CNTNAP2: variants seen among roughly 807,000 people sequenced by gnomAD.
CNTNAP2 encodes contactin-associated protein-like 2.
CNTNAP2 carries 98 observed loss-of-function variants against 155.2 expected under a neutral mutation model. That is an observed-to-expected ratio of 0.63 (90% CI 0.54 to 0.75). CNTNAP2 has a LOEUF of 0.75. CNTNAP2 is among the 30% of genes least tolerant of loss of function. The pLI, the probability that CNTNAP2 is intolerant of heterozygous loss-of-function variation, is 0.00. For synonymous variants in CNTNAP2, 651 were observed against 631.2 expected (o/e 1.03, Z -0.47); for missense variants, 1,727 against 1,688.1 (o/e 1.02, Z -0.40).
chr7:147,343,196 T>C (rs1166880673), intron 9 of CNTNAP2, among the ~76,000 whole-genome samples: 1 of 152,140 alleles, frequency 6.6e-6, no homozygotes, highest in Admixed American at 6.6e-5. Context: ...CAGATCGCTT[T>C]CTTTGCTGCT....
chr7:148,320,376 C>CTTTTT (rs67424217), intron 21 of CNTNAP2, among the ~76,000 whole-genome samples: 34 of 63,346 alleles, frequency 5.4e-4, no homozygotes, highest in South Asian at 9.3e-4. Flanking sequence ...ATTTTTTTTT[C>CTTTTT]TTTTTTTTTT....
chr7:146,681,984 A>G (rs140072349), intron 1 of CNTNAP2, among the ~76,000 whole-genome samples: 1 of 126,606 alleles, frequency 7.9e-6, no homozygotes, highest in African/African-American at 2.8e-5. Context: ...AACCATATAA[A>G]GTTCTCTCAG....
intron 1 of CNTNAP2, among the ~76,000 whole-genome samples, chr7:146,130,107 G>T (rs1797692872): frequency 6.6e-6 from 1 of 152,128 alleles, no homozygotes; most frequent in Non-Finnish European, 1.5e-5. Flanking sequence ...TTTTGAAAGA[G>T]TAAATTATCC....
At chr7:146,286,887 C>G (rs529589452) in intron 1 of CNTNAP2, among the ~76,000 whole-genome samples, 1 of 152,214 alleles carries the variant, frequency 6.6e-6, no homozygotes, top group African/African-American at 2.4e-5. Context: ...GGAAGGATCA[C>G]CTGAGGCCAA....
At chr7:147,795,722 G>A (rs946651842) in intron 13 of CNTNAP2, among the ~76,000 whole-genome samples, 1 of 152,028 alleles carries the variant, frequency 6.6e-6, no homozygotes. Flanking sequence ...AAAGAAATCT[G>A]GGTTTTAATT....
intron 14 of CNTNAP2, among the ~76,000 whole-genome samples, chr7:147,975,677 C>G (rs553859000): frequency 6.6e-6 from 1 of 152,224 alleles, no homozygotes; most frequent in African/African-American, 2.4e-5. Flanking sequence ...AAATTTATTT[C>G]TCACTGTTAC....
At chr7:146,964,893 T>C (rs977855597) in intron 3 of CNTNAP2, among the ~76,000 whole-genome samples, 1 of 151,806 alleles carries the variant, frequency 6.6e-6, no homozygotes, top group Non-Finnish European at 1.5e-5. Flanking sequence ...AACAGGTGAC[T>C]GGCCAGAGTT....
intron 1 of CNTNAP2, among the ~76,000 whole-genome samples, chr7:146,359,810 G>T (rs545750083): frequency 3.3e-5 from 5 of 152,102 alleles, no homozygotes; most frequent in African/African-American, 4.8e-5. Context: ...GTGTGCGTGC[G>T]TGCGCATGCA....
At chr7:146,360,762 C>T (rs1795070489) in intron 1 of CNTNAP2, among the ~76,000 whole-genome samples, 1 of 152,204 alleles carries the variant, frequency 6.6e-6, no homozygotes, top group Admixed American at 6.5e-5. Flanking sequence ...GTTTCGACTG[C>T]AATAATGGTA....
At chr7:146,959,416 A>T (rs1474546950) in intron 3 of CNTNAP2, among the ~76,000 whole-genome samples, 2 of 151,864 alleles carry the variant, frequency 1.3e-5, no homozygotes, top group Non-Finnish European at 2.9e-5. Flanking sequence ...CCGTAAAATT[A>T]TTTTTTTTAA....
At chr7:147,166,862 A>C (rs1802123747) in intron 8 of CNTNAP2, among the ~76,000 whole-genome samples, 1 of 152,142 alleles carries the variant, frequency 6.6e-6, no homozygotes, top group Admixed American at 6.5e-5. Flanking sequence ...CTGGATGTGT[A>C]CATGCAGGTC....
chr7:147,646,160 G>A (rs889034738), intron 13 of CNTNAP2, among the ~76,000 whole-genome samples: 1 of 152,126 alleles, frequency 6.6e-6, no homozygotes, highest in South Asian at 2.1e-4. Flanking sequence ...TTGTTTTTAA[G>A]TTTAGATGCT....
At chr7:147,490,786 G>A (rs1387269649) in intron 11 of CNTNAP2, among the ~76,000 whole-genome samples, 1 of 152,170 alleles carries the variant, frequency 6.6e-6, no homozygotes, top group African/African-American at 2.4e-5. Flanking sequence ...AAGAAAAGGG[G>A]TTTGACTCAC....
At chr7:147,202,514 T>C (rs970212006) in intron 8 of CNTNAP2, among the ~76,000 whole-genome samples, 2 of 152,118 alleles carry the variant, frequency 1.3e-5, no homozygotes, top group Non-Finnish European at 2.9e-5. Flanking sequence ...CCATTAACCA[T>C]TGATCAAAAA....
At chr7:147,746,367 T>C (rs983647105) in intron 13 of CNTNAP2, among the ~76,000 whole-genome samples, 1 of 152,160 alleles carries the variant, frequency 6.6e-6, no homozygotes, top group Non-Finnish European at 1.5e-5. Flanking sequence ...CCCCTTCTAG[T>C]AGAGACAGTC....
At chr7:147,004,829 T>C (rs1798495962) in intron 3 of CNTNAP2, among the ~76,000 whole-genome samples, 1 of 152,110 alleles carries the variant, frequency 6.6e-6, no homozygotes, top group Non-Finnish European at 1.5e-5. Context: ...CCTAGCTAGT[T>C]TTGCTTGTGT....
chr7:147,941,104 G>C lies in CNTNAP2; in HGVS notation c.2256-36758G>C, dbSNP rs1018262817. ...TGCTCTGATGTGGCCACAGTCTGGC[G>C]CTGAGAGTAGCTCCAACATGAGGGA... On this transcript the variant is annotated intron_variant, in intron 14 of 23. Coordinates refer to ENST00000361727, the MANE Select transcript of CNTNAP2 (RefSeq NM_014141.6). 1.3e-5 allele frequency among the ~76,000 whole-genome samples: 2 copies of C among 152,146 alleles called. 1 individual carries two copies. Among genetic ancestry groups the C allele is most frequent in the African/African-American group, 4.8e-5 (2 of 41,436 alleles).
At chr7:147,191,201 G>A (rs1317222507) in intron 8 of CNTNAP2, among the ~76,000 whole-genome samples, 1 of 152,078 alleles carries the variant, frequency 6.6e-6, no homozygotes, top group Non-Finnish European at 1.5e-5. Context: ...GTCTGGAGAA[G>A]GTTAAGTGTC....
intron 18 of CNTNAP2, among the ~76,000 whole-genome samples, chr7:148,189,663 C>G (rs1795173473): frequency 6.6e-6 from 1 of 152,160 alleles, no homozygotes; most frequent in Admixed American, 6.5e-5. Context: ...GAACCACAGC[C>G]AAGACATTTC....
Sources: gnomAD v4.1 joint callset for allele counts (sites outside exome capture counted in the v4.1 genomes callset) on GRCh38, gnomAD v4.1.1 for gene constraint, MANE v1.5 for transcripts, NCBI Gene and HGNC (gene_info 2026-07-23, HGNC 2026-07-21) for gene names.